Variants in FBN2 observed in about 807,000 individuals in gnomAD.
FBN2 encodes fibrillin-2.
A neutral mutation model predicts 355.6 loss-of-function variants in FBN2; 105 were observed. That is an observed-to-expected ratio of 0.30 (90% CI 0.25 to 0.35). The LOEUF (loss-of-function observed/expected upper bound fraction) is 0.35, where lower values mean the gene tolerates loss of function less well. Among genes scored for constraint, FBN2 ranks in the 10% least tolerant of loss-of-function variants. FBN2 has a pLI of 1.00. For missense variants in FBN2, 3,280 were observed against 3,758.7 expected (o/e 0.87, Z 3.33); for synonymous variants, 1,350 against 1,301.2 (o/e 1.04, Z -0.81).
rs201592247 is a variant in FBN2, at chr5:128,404,969, C to T, written c.1078+3705G>A. ...GGTGGATTACCTGAGGTCAGGAGTT[C>T]GAGACCAGCCTGGCCCACACAGGAA... On this transcript the variant is annotated intron_variant, in intron 8 of 64. Coordinates refer to ENST00000262464, the MANE Select transcript of FBN2 (RefSeq NM_001999.4). 3.9e-5 allele frequency among the ~76,000 whole-genome samples: 6 copies of T among 152,024 alleles called. No individual in the cohort carries two copies. In the East Asian group the frequency reaches 7.7e-4, roughly 20 times the overall value.
chr5:128,378,077 A>G (rs1752133374), intron 12 of FBN2, among the ~76,000 whole-genome samples, 200 bp from the exon 13 acceptor site: 2 of 149,200 alleles, frequency 1.3e-5, no homozygotes, highest in African/African-American at 4.9e-5. Flanking sequence ...TGAAGTGGGA[A>G]AGGAAAAAAA....
chr5:128,442,278 G>C (rs1475157313), intron 7 of FBN2: 3 of 455,288 alleles, frequency 6.6e-6, no homozygotes, highest in Non-Finnish European at 1.3e-5. Context: ...AGCCAGGAAA[G>C]AATAACTAGC....
chr5:128,530,894 G>A (rs1262706353), intron 2 of FBN2, among the ~76,000 whole-genome samples: 2 of 152,140 alleles, frequency 1.3e-5, no homozygotes, highest in Non-Finnish European at 2.9e-5. Context: ...ATGAAAACGT[G>A]TAAACAAATG....
intron 61 of FBN2, among the ~76,000 whole-genome samples, chr5:128,273,464 T>C (rs1765313177): frequency 6.6e-6 from 1 of 152,254 alleles, no homozygotes; most frequent in Non-Finnish European, 1.5e-5. Context: ...ATTCTTTTTA[T>C]ATTTAATTCT....
chr5:128,349,963 G>C lies in FBN2; in HGVS notation c.2855C>G (p.Thr952Arg), dbSNP rs766590294. 1 of 1,613,288 alleles carries C rather than the reference G, an allele frequency of 6.2e-7. No individual in the cohort carries two copies. The highest frequency in any genetic ancestry group is 2.2e-5 in the East Asian group (1 of 44,866). The change falls in exon 22 of 65, where the codon ACG (threonine) becomes AGG (arginine). Residue 952 changes from threonine to arginine, a missense_variant. Transcript: ENST00000262464. ...PRGLARIKGV[T>R]CEDVNECEVF... ...AGGAAGGATACACTCACCTTCACACGTAACACCTTTAATCCTGGCAAGCCC... is the reference window on the plus strand; with the variant it reads ...AGGAAGGATACACTCACCTTCACACCTAACACCTTTAATCCTGGCAAGCCC...
intron 5 of FBN2, among the ~76,000 whole-genome samples, chr5:128,479,970 CTCTCTCTATATA>C (rs1456046833): frequency 1.4e-3 from 33 of 24,290 alleles, no homozygotes; most frequent in Non-Finnish European, 1.8e-3. Flanking sequence ...CTCTCTCTCT[CTCTCTCTATATA>C]TATATATATA....
intron 34 of FBN2, among the ~76,000 whole-genome samples, chr5:128,325,250 T>C (rs779175499): frequency 6.6e-6 from 1 of 152,194 alleles, no homozygotes; most frequent in African/African-American, 2.4e-5. Context: ...TAAGTCTCTT[T>C]GTAGGTCTCT....
intron 11 of FBN2, among the ~76,000 whole-genome samples, chr5:128,384,535 T>C (rs572717592): frequency 1.1e-4 from 17 of 152,160 alleles, no homozygotes; most frequent in Non-Finnish European, 2.5e-4. Context: ...GATATGGTCT[T>C]GTCTTCTTGG....
chr5:128,519,388 G>A lies in FBN2; in HGVS notation c.533-20C>T, dbSNP rs1561495493. On this transcript the variant is annotated intron_variant, in intron 4 of 64. Transcript: ENST00000262464. ...AGACAGCTGCATACAAAAATAGCAAGAAGCTCATTATATAGCCAGTCTCCA... is the reference window on the plus strand; with the variant it reads ...AGACAGCTGCATACAAAAATAGCAAAAAGCTCATTATATAGCCAGTCTCCA... The A allele has an allele frequency of 1.3e-6, 2 of 1,598,140 alleles. No individual in the cohort carries two copies. The highest frequency in any genetic ancestry group is 1.3e-5 in the African/African-American group (1 of 74,634).
chr5:128,408,714 T>C lies in FBN2; in HGVS notation c.1038A>G (p.Pro346=), dbSNP rs752884553. ...NTVGSYFCVC[P]RGYVTSTDGS... Reference sequence around the variant, plus strand: ...CATCTGTTGAGGTTACATATCCACGTGGACAAACACAAAAATAGCTTCCCA... The same window carrying C: ...CATCTGTTGAGGTTACATATCCACGCGGACAAACACAAAAATAGCTTCCCA... The change falls in exon 8 of 65, where the codon CCA becomes CCG. Residue 346 remains proline, a synonymous_variant. Coordinates refer to ENST00000262464, the MANE Select transcript of FBN2 (RefSeq NM_001999.4). The C allele has an allele frequency of 4.3e-6, 7 of 1,614,030 alleles. No homozygotes were observed. In the Admixed American group the frequency reaches 1.2e-4, roughly 27 times the overall value.
At chr5:128,503,867 A>T (rs1755880350) in intron 5 of FBN2, among the ~76,000 whole-genome samples, 1 of 152,136 alleles carries the variant, frequency 6.6e-6, no homozygotes, top group Admixed American at 6.5e-5. Context: ...CATGTCAGAG[A>T]CCTTCATGGC....
intron 5 of FBN2, among the ~76,000 whole-genome samples, chr5:128,509,349 T>A (rs866171495): frequency 6.6e-6 from 1 of 152,262 alleles, no homozygotes; most frequent in South Asian, 2.1e-4. Context: ...TCTTTTCGCC[T>A]ATAATGTCTC....
chr5:128,312,952 C>T (rs1750098581), intron 36 of FBN2, among the ~76,000 whole-genome samples, 157 bp from the exon 37 acceptor site: 1 of 152,148 alleles, frequency 6.6e-6, no homozygotes, highest in African/African-American at 2.4e-5. Context: ...TGCTTTTCAG[C>T]TTTTTCGAGA....
intron 34 of FBN2, 166 bp downstream of exon 34, chr5:128,328,530 A>G: frequency 2.6e-6 from 2 of 764,154 alleles, no homozygotes; most frequent in East Asian, 2.7e-5. Context: ...AGCCGCCATC[A>G]TCATTATTCA....
chr5:128,535,280 T>A (rs1316071741), intron 2 of FBN2, among the ~76,000 whole-genome samples: 2 of 152,200 alleles, frequency 1.3e-5, no homozygotes, highest in African/African-American at 2.4e-5. Context: ...ATCTCTTTTT[T>A]AAAAACTGCC....
At chr5:128,327,991 T>A (rs1231220306) in intron 34 of FBN2, 1 of 153,278 alleles carries the variant, frequency 6.5e-6, no homozygotes, top group Middle Eastern at 3.4e-3. Context: ...ACTGAAGCCC[T>A]ATGGTGTATA....
chr5:128,338,097 A>G lies in FBN2; in HGVS notation c.3498T>C (p.Pro1166=). The change falls in exon 27 of 65, where the codon CCT becomes CCC. Residue 1166 remains proline, a synonymous_variant. Transcript: ENST00000262464. ...CMDIDECERN[P]LLCRGGTCVN... ...CACAGGTGCCACCCCTACAAAGGAG[A>G]GGGTTACGTTCACATTCGTCAATGT... 6.2e-7 allele frequency: 1 copy of G among 1,614,074 alleles called. No homozygotes were observed. Among genetic ancestry groups the G allele is most frequent in the Non-Finnish European group, 8.5e-7 (1 of 1,179,930 alleles).
chr5:128,536,519 G>A, intron 1 of FBN2, 35 bp from the exon 2 acceptor site: 6 of 1,490,840 alleles, frequency 4.0e-6, no homozygotes, highest in Non-Finnish European at 5.6e-6. Context: ...TAACAGATAG[G>A]TAGAGGGATG....
chr5:128,335,331 A>G (rs1316707699), intron 29 of FBN2, 36 bp from the exon 30 acceptor site: 2 of 1,613,968 alleles, frequency 1.2e-6, no homozygotes, highest in Admixed American at 1.7e-5. Flanking sequence ...TGAAAATAAA[A>G]ATGTCGTTCA....
Sources: allele counts gnomAD v4.1 joint callset (sites outside exome capture counted in the v4.1 genomes callset), GRCh38; gene constraint gnomAD v4.1.1; transcripts MANE v1.5; gene names NCBI Gene and HGNC (gene_info 2026-07-23, HGNC 2026-07-21).